FAM110B: variants seen among roughly 807,000 people sequenced by gnomAD.
FAM110B encodes protein FAM110B.
In FAM110B, 6 loss-of-function variants were observed where a neutral mutation model predicts 20.4. The ratio of observed to expected loss-of-function variants is 0.29; its 90% CI spans 0.16 to 0.58. The LOEUF (loss-of-function observed/expected upper bound fraction) is 0.58. Among genes scored for constraint, FAM110B ranks in the 20% least tolerant of loss-of-function variants. FAM110B has a pLI of 0.90. For synonymous variants in FAM110B, 226 were observed against 214.1 expected, an observed-to-expected ratio of 1.06 and a Z score of -0.49; for missense variants, 434 against 498.2, an observed-to-expected ratio of 0.87 and a Z score of 1.23.
At chr8:58,013,492 C>T (rs1447074239) in intron 1 of FAM110B, among the ~76,000 whole-genome samples, 1 of 152,160 alleles carries the variant, frequency 6.6e-6, no homozygotes, top group East Asian at 1.9e-4. Flanking sequence ...TATGTGCGTT[C>T]ACCACATTGC....
At chr8:58,109,149 C>T (rs529013060) in intron 3 of FAM110B, among the ~76,000 whole-genome samples, 5 of 152,172 alleles carry the variant, frequency 3.3e-5, no homozygotes, top group East Asian at 1.9e-4. Context: ...GGAACTCTTA[C>T]GTGTCTTATC....
At chr8:58,004,350 A>G (rs1391166955) in intron 1 of FAM110B, among the ~76,000 whole-genome samples, 1 of 152,182 alleles carries the variant, frequency 6.6e-6, no homozygotes, top group African/African-American at 2.4e-5. Context: ...ATCTTCATCA[A>G]TGATCTTAGC....
chr8:58,018,798 C>G (rs915863363), intron 1 of FAM110B, among the ~76,000 whole-genome samples: 2 of 147,260 alleles, frequency 1.4e-5, no homozygotes, highest in Non-Finnish European at 3.0e-5. Flanking sequence ...ACTGGTTGCT[C>G]TAGGGATTAC....
intron 1 of FAM110B, among the ~76,000 whole-genome samples, chr8:58,001,636 T>G (rs1251436584): frequency 6.6e-6 from 1 of 152,206 alleles, no homozygotes; most frequent in Non-Finnish European, 1.5e-5. Flanking sequence ...GTGTGAAGCA[T>G]GCTGCTGTTT....
At chr8:58,030,118 A>G (rs1384638848) in intron 1 of FAM110B, among the ~76,000 whole-genome samples, 3 of 152,236 alleles carry the variant, frequency 2.0e-5, no homozygotes. Flanking sequence ...ATGGGCCCAA[A>G]TATATTTTAA....
chr8:58,115,920 A>T (rs185938773), intron 3 of FAM110B, among the ~76,000 whole-genome samples: 4 of 152,332 alleles, frequency 2.6e-5, no homozygotes. Flanking sequence ...AAAGGCCCAG[A>T]TTGGAATCCC....
At chr8:58,113,091 G>A (rs534430572) in intron 3 of FAM110B, 37 of 151,140 alleles carry the variant, frequency 2.4e-4, no homozygotes, top group Admixed American at 1.2e-3. Context: ...CCATTCATGG[G>A]GGGGGGCTCT....
At chr8:57,999,126 A>G (rs968486763) in intron 1 of FAM110B, among the ~76,000 whole-genome samples, 27 of 152,250 alleles carry the variant, frequency 1.8e-4, no homozygotes, top group African/African-American at 6.0e-4. Flanking sequence ...TTGGTGATAA[A>G]AATAGTGAAC....
chr8:58,021,551 ATGT>A (rs1335157709), intron 1 of FAM110B, among the ~76,000 whole-genome samples: 1 of 152,120 alleles, frequency 6.6e-6, no homozygotes, highest in Non-Finnish European at 1.5e-5. Flanking sequence ...TACTGTATCA[ATGT>A]TGTTAAATAT....
At chr8:58,049,316 C>A (rs1270102615) in intron 2 of FAM110B, among the ~76,000 whole-genome samples, 1 of 152,028 alleles carries the variant, frequency 6.6e-6, no homozygotes, top group Non-Finnish European at 1.5e-5. Flanking sequence ...GATGTGAATG[C>A]CTAATCATAA....
At chr8:58,090,862 G>A (rs1334589127) in intron 3 of FAM110B, among the ~76,000 whole-genome samples, 1 of 152,078 alleles carries the variant, frequency 6.6e-6, no homozygotes, top group Non-Finnish European at 1.5e-5. Flanking sequence ...ATAAACTTAA[G>A]GCACCCACAA....
rs758028450 is a variant in FAM110B at position 58,147,376 on chromosome 8, C to G, written c.*33C>G. On this transcript the variant is annotated 3_prime_UTR_variant, in exon 4 of 4. Transcript: ENST00000519262. Reference sequence around the variant, plus strand: ...CGTGGAAAGGAGGGAGCGTGGGTCTCTGTGCTTACGCAGTTGTGAAGGTTG... The same window carrying G: ...CGTGGAAAGGAGGGAGCGTGGGTCTGTGTGCTTACGCAGTTGTGAAGGTTG... The G allele has an allele frequency of 6.3e-7, 1 of 1,590,512 alleles. No homozygotes were observed. Among genetic ancestry groups the G allele is most frequent in the Non-Finnish European group, 8.6e-7 (1 of 1,167,776 alleles).
chr8:58,048,466 G>A (rs1805374394), intron 2 of FAM110B, among the ~76,000 whole-genome samples: 1 of 152,034 alleles, frequency 6.6e-6, no homozygotes, highest in African/African-American at 2.4e-5. Flanking sequence ...CAAGGCATTG[G>A]TGTCTTCCTA....
At chr8:58,020,394 A>C (rs540917226) in intron 1 of FAM110B, among the ~76,000 whole-genome samples, 157 of 152,348 alleles carry the variant, frequency 1.0e-3, no homozygotes, top group African/African-American at 3.6e-3. Flanking sequence ...ATTGTATTCC[A>C]GGTGTACACA....
At chr8:58,022,250 G>T (rs1260598516) in intron 1 of FAM110B, among the ~76,000 whole-genome samples, 1 of 152,208 alleles carries the variant, frequency 6.6e-6, no homozygotes, top group African/African-American at 2.4e-5. Flanking sequence ...AACCATGTGG[G>T]CATTATGCTA....
At chr8:58,076,547 A>T (rs1335335768) in intron 3 of FAM110B, among the ~76,000 whole-genome samples, 3 of 152,064 alleles carry the variant, frequency 2.0e-5, no homozygotes, top group Non-Finnish European at 4.4e-5. Flanking sequence ...GCCTGGGAAC[A>T]TTTTTTCCAG....
At chr8:58,069,830 ATCTG>A (rs1805849429) in intron 2 of FAM110B, among the ~76,000 whole-genome samples, 6 of 152,346 alleles carry the variant, frequency 3.9e-5, no homozygotes, top group African/African-American at 1.4e-4. Flanking sequence ...TAATGCTGGA[ATCTG>A]ATAAGCTTAA....
intron 1 of FAM110B, among the ~76,000 whole-genome samples, chr8:57,998,489 A>G (rs1804228998): frequency 6.6e-6 from 1 of 152,234 alleles, no homozygotes; most frequent in Non-Finnish European, 1.5e-5. Flanking sequence ...TCTTCATTTC[A>G]TATATTCATT....
At chr8:58,122,629 G>A (rs1455346448) in intron 3 of FAM110B, among the ~76,000 whole-genome samples, 1 of 152,040 alleles carries the variant, frequency 6.6e-6, no homozygotes, top group Non-Finnish European at 1.5e-5. Flanking sequence ...CTGTTGTTGG[G>A]TTTTTTAAGT....
Sources: allele counts gnomAD v4.1 joint callset (sites outside exome capture counted in the v4.1 genomes callset), GRCh38; gene constraint gnomAD v4.1.1; transcripts MANE v1.5; gene names NCBI Gene and HGNC (gene_info 2026-07-23, HGNC 2026-07-21).